Variants in CYTH3 observed in about 807,000 individuals in gnomAD.
CYTH3 encodes the protein cytohesin-3.
Under a neutral mutation model 55.1 loss-of-function variants are expected in CYTH3, and 23 were observed. That is an observed-to-expected ratio of 0.42 (90% CI 0.30 to 0.59). CYTH3 has a LOEUF of 0.59. Among genes scored for constraint, CYTH3 ranks in the 20% least tolerant of loss-of-function variants. The pLI is 0.20. For missense variants in CYTH3, 413 were observed against 524.8 expected, an observed-to-expected ratio of 0.79 and a Z score of 2.08; for synonymous variants, 249 against 194.9, an observed-to-expected ratio of 1.28 and a Z score of -2.31.
intron 5 of CYTH3, among the ~76,000 whole-genome samples, chr7:6,176,934 A>C (rs543932637): frequency 3.3e-5 from 5 of 152,310 alleles, no homozygotes; most frequent in Admixed American, 2.0e-4. Context: ...AGGAGTTTTG[A>C]GTTCTGTCAA....
chr7:6,245,418 C>T (rs1329026979), intron 1 of CYTH3, among the ~76,000 whole-genome samples: 3 of 152,166 alleles, frequency 2.0e-5, no homozygotes, highest in East Asian at 1.9e-4. Context: ...ACTGCTGATA[C>T]TCTGATGGGG....
intron 1 of CYTH3, among the ~76,000 whole-genome samples, chr7:6,197,132 A>G (rs1021800797): frequency 3.9e-5 from 6 of 152,226 alleles, no homozygotes; most frequent in Admixed American, 3.9e-4. Context: ...AATCGGAATC[A>G]AAGGATTTCC....
At chr7:6,269,787 A>G (rs1450616671) in intron 1 of CYTH3, among the ~76,000 whole-genome samples, 1 of 152,240 alleles carries the variant, frequency 6.6e-6, no homozygotes, top group Non-Finnish European at 1.5e-5. Flanking sequence ...TTGAAAGAAC[A>G]ATACAGTGGA....
chr7:6,271,826 G>C (rs1202796740), intron 1 of CYTH3, among the ~76,000 whole-genome samples: 1 of 152,056 alleles, frequency 6.6e-6, no homozygotes, highest in Non-Finnish European at 1.5e-5. Flanking sequence ...CCCACCCTCG[G>C]CTCCACGGAG....
Position 6,259,813 on chromosome 7 carries a change from AATATATATATATATATATATT to A in CYTH3, c.34+12640_34+12660del, listed in dbSNP as rs1562418103. Among the ~76,000 whole-genome samples, 7 of 25,450 alleles carry A rather than the reference AATATATATATATATATATATT, an allele frequency of 2.8e-4. 1 individual carries two copies. In the African/African-American group the frequency reaches 3.0e-3, roughly 11 times the overall value. 16.7% of individuals were successfully genotyped at this position (25,450 alleles called of 152,430 possible). On this transcript the variant is annotated intron_variant, in intron 1 of 12. Transcript: ENST00000350796. ...TATATATATATATATATATATATAT[AATATATATATATATATATATT>A]TTTTTTTTTTTTTAAGACGGATTTT...
rs540686656 is a variant in CYTH3 at position 6,252,117 on chromosome 7, G to A, written c.34+20357C>T. Among the ~76,000 whole-genome samples the A allele has an allele frequency of 2.6e-5, 4 of 152,312 alleles. No homozygotes were observed. In the East Asian group the frequency reaches 7.7e-4, roughly 29 times the overall value. ...ACACTGAAACAGATAGGCAAATGTG[G>A]AATGTAGTTTGATTGAACTACTGAT... On this transcript the variant is annotated intron_variant, in intron 1 of 12. Coordinates refer to ENST00000350796, the MANE Select transcript of CYTH3 (RefSeq NM_004227.4).
At chr7:6,165,247 G>A (rs200058389) in intron 12 of CYTH3, 26 bp downstream of exon 12, 1 of 1,597,844 alleles carries the variant, frequency 6.3e-7, no homozygotes, top group East Asian at 2.2e-5. Flanking sequence ...AGACGGGCCT[G>A]GCCCCGCCCC....
In CYTH3 at chr7:6,235,472, C is replaced by CAAA. The variant is rs57661153; in HGVS notation, c.34+36999_34+37001dup. On this transcript the variant is annotated intron_variant, in intron 1 of 12. Coordinates refer to ENST00000350796, the MANE Select transcript of CYTH3 (RefSeq NM_004227.4). ...TGGGAGACAGAGGGAGACTCTATCT[C>CAAA]AAAAAAAAAAAAAAAAAAACTGCTT... 7.4e-4 allele frequency among the ~76,000 whole-genome samples: 69 copies of CAAA among 93,592 alleles called. 1 individual carries two copies. The highest frequency in any genetic ancestry group is 2.2e-3 in the African/African-American group (61 of 28,100). 61.4% of individuals were successfully genotyped at this position (93,592 alleles called of 152,430 possible).
At chr7:6,257,952 A>G (rs1288248698) in intron 1 of CYTH3, among the ~76,000 whole-genome samples, 2 of 152,062 alleles carry the variant, frequency 1.3e-5, no homozygotes, top group Non-Finnish European at 2.9e-5. Context: ...GGCTTAATTA[A>G]GAGCCATTGT....
chr7:6,224,637 T>A (rs987571689), intron 1 of CYTH3, among the ~76,000 whole-genome samples: 2 of 152,246 alleles, frequency 1.3e-5, no homozygotes, highest in African/African-American at 4.8e-5. Flanking sequence ...TCCATTTTTG[T>A]CGCTGTGGAA....
In CYTH3 at chr7:6,169,136, C is replaced by G. The variant is rs1208917539; in HGVS notation, c.823+1399G>C. Among the ~76,000 whole-genome samples, 1 of 152,230 alleles carries G rather than the reference C, an allele frequency of 6.6e-6. No homozygotes were observed. Among genetic ancestry groups the G allele is most frequent in the Admixed American group, 6.5e-5 (1 of 15,288 alleles). On this transcript the variant is annotated intron_variant, in intron 9 of 12. Coordinates refer to ENST00000350796, the MANE Select transcript of CYTH3 (RefSeq NM_004227.4). The surrounding 1 kb of genome is among the most constrained non-coding windows in gnomAD (Gnocchi z 4.1). ...AGAGCAATGGCCAAGGTCAAAGACC[C>G]TAATGGGAATGGCAGACCTGTGGGA...
intron 1 of CYTH3, among the ~76,000 whole-genome samples, chr7:6,208,399 G>A (rs1035723810): frequency 1.3e-5 from 2 of 152,202 alleles, no homozygotes; most frequent in Non-Finnish European, 2.9e-5. Context: ...GTAGTGGCAT[G>A]TGTCTTACCA....
intron 4 of CYTH3, among the ~76,000 whole-genome samples, chr7:6,185,454 T>C (rs1351670997): frequency 6.6e-6 from 1 of 151,986 alleles, no homozygotes; most frequent in Non-Finnish European, 1.5e-5. Flanking sequence ...CCCAGCACTT[T>C]GGGAGGCCAA....
chr7:6,212,329 A>G (rs955480361), intron 1 of CYTH3, among the ~76,000 whole-genome samples: 6 of 152,182 alleles, frequency 3.9e-5, no homozygotes, highest in Admixed American at 1.3e-4. Context: ...AGTACTGTTA[A>G]GTATATTCAC....
intron 4 of CYTH3, among the ~76,000 whole-genome samples, chr7:6,182,690 G>C (rs921387180): frequency 4.6e-5 from 7 of 152,060 alleles, no homozygotes; most frequent in African/African-American, 1.7e-4. Flanking sequence ...TAAAAAAACT[G>C]TTTATAGAGA....
intron 6 of CYTH3, chr7:6,172,643 C>T (rs1783231811): frequency 1.1e-6 from 1 of 943,824 alleles, no homozygotes; most frequent in Admixed American, 5.5e-5. Flanking sequence ...TTAATAGGAA[C>T]CTCTCCGGCT....
chr7:6,203,844 G>C (rs113232726), intron 1 of CYTH3, among the ~76,000 whole-genome samples: 2 of 151,496 alleles, frequency 1.3e-5, no homozygotes, highest in Middle Eastern at 3.4e-3. Flanking sequence ...TCAGCCTCCC[G>C]AGTAGCTGGG....
intron 4 of CYTH3, among the ~76,000 whole-genome samples, chr7:6,185,342 T>C (rs60874263): frequency 0.025 from 3,764 of 151,466 alleles, 145 homozygotes; most frequent in African/African-American, 0.088. Context: ...CCCAGCACTT[T>C]TGGGAGGCTG....
At chr7:6,264,959 G>A (rs74702234) in intron 1 of CYTH3, among the ~76,000 whole-genome samples, 3,025 of 152,280 alleles carry the variant, frequency 0.02, 102 homozygotes, top group African/African-American at 0.069. Context: ...TAGATAGGTT[G>A]GTCAAGGAAG....
Sources: gnomAD v4.1 joint callset for allele counts (sites outside exome capture counted in the v4.1 genomes callset) on GRCh38, gnomAD v4.1.1 for gene constraint, Gnocchi (gnomAD v3.1) non-coding constraint, MANE v1.5 for transcripts, NCBI Gene and HGNC (gene_info 2026-07-23, HGNC 2026-07-21) for gene names.